The following GRM5 variants were observed in gnomAD, a reference collection of about 807,000 sequenced individuals.
GRM5 encodes the protein glutamate metabotropic receptor 5.
Under a neutral mutation model 83.1 loss-of-function variants are expected in GRM5, and 19 were observed. The observed-to-expected ratio is 0.23, with a 90% CI of 0.16 to 0.34. The LOEUF (loss-of-function observed/expected upper bound fraction) is 0.34, where lower values mean the gene tolerates loss of function less well. Ranked by LOEUF, GRM5 falls within the 10% of genes least tolerant of loss-of-function variation. GRM5 has a pLI of 1.00. For missense variants in GRM5, 1,160 were observed against 1,588.3 expected (o/e 0.73, Z 4.58); for synonymous variants, 675 against 633.6 (o/e 1.07, Z -0.98).
intron 2 of GRM5, among the ~76,000 whole-genome samples, chr11:89,029,950 T>C (rs1014678485): frequency 2.0e-5 from 3 of 152,198 alleles, no homozygotes; most frequent in Admixed American, 2.0e-4. Flanking sequence ...AACATTTTAT[T>C]TTTTACTACT....
intron 3 of GRM5, among the ~76,000 whole-genome samples, chr11:88,671,725 C>T (rs1940198800): frequency 6.6e-6 from 1 of 151,834 alleles, no homozygotes; most frequent in Admixed American, 6.6e-5. Context: ...AGGCAATAAC[C>T]CAGAATATTG....
At chr11:88,687,928 G>A (rs992281897) in intron 3 of GRM5, among the ~76,000 whole-genome samples, 10 of 151,792 alleles carry the variant, frequency 6.6e-5, no homozygotes, top group Admixed American at 3.3e-4. Context: ...TCTTCCTTCC[G>A]CCCTAACACA....
chr11:88,780,625 T>A (rs1256224440), intron 3 of GRM5, among the ~76,000 whole-genome samples: 1 of 152,154 alleles, frequency 6.6e-6, no homozygotes, highest in Non-Finnish European at 1.5e-5. Context: ...AAACAAAATG[T>A]CCATGAAAGT....
At chr11:88,775,407 T>G (rs1444121587) in intron 3 of GRM5, among the ~76,000 whole-genome samples, 1 of 152,180 alleles carries the variant, frequency 6.6e-6, no homozygotes, top group Non-Finnish European at 1.5e-5. Context: ...ATTCATTGAT[T>G]TTTTGAAGGG....
intron 2 of GRM5, chr11:88,925,757 C>T: frequency 2.2e-6 from 1 of 453,428 alleles, no homozygotes; most frequent in Non-Finnish European, 4.4e-6. Context: ...ACTAAAAATA[C>T]AAAAATTACC....
intron 3 of GRM5, among the ~76,000 whole-genome samples, chr11:88,718,029 C>T (rs1356076551): frequency 1.3e-5 from 2 of 151,756 alleles, no homozygotes; most frequent in South Asian, 2.1e-4. Flanking sequence ...TTGACAGGCT[C>T]ATCATAGAAA....
At chr11:88,883,978 G>A (rs1945002238) in intron 2 of GRM5, among the ~76,000 whole-genome samples, 1 of 152,186 alleles carries the variant, frequency 6.6e-6, no homozygotes, top group African/African-American at 2.4e-5. Context: ...GAGAACCTCT[G>A]CTACAGCACT....
chr11:89,047,789 C>A lies in GRM5; in HGVS notation c.84G>T (p.Val28=), dbSNP rs202190410. 2.8e-4 allele frequency: 454 copies of A among 1,613,734 alleles called. 1 individual carries two copies. The highest frequency in any genetic ancestry group is 3.7e-4 in the Non-Finnish European group (435 of 1,179,792). Residue 28 remains valine (V), a synonymous_variant, in exon 2 of 10, where the codon GTG becomes GTT. Coordinates refer to ENST00000305447, the MANE Select transcript of GRM5 (RefSeq NM_001143831.3). The surrounding 1 kb of genome is among the most constrained non-coding windows in gnomAD (Gnocchi z 5.1). ...GSAQSSERRV[V]AHMPGDIIIG... ...TAATGATGTCACCCGGCATGTGAGCCACCACCCTCCTCTCACTGGACTGTG... is the reference window on the plus strand; with the variant it reads ...TAATGATGTCACCCGGCATGTGAGCAACCACCCTCCTCTCACTGGACTGTG...
At chr11:88,662,130 T>A (rs1405974221) in intron 3 of GRM5, among the ~76,000 whole-genome samples, 2 of 152,150 alleles carry the variant, frequency 1.3e-5, no homozygotes, top group African/African-American at 2.4e-5. Flanking sequence ...TGTATGACTT[T>A]TTCTAAAGTT....
intron 2 of GRM5, among the ~76,000 whole-genome samples, chr11:88,853,301 T>A (rs1359501175): frequency 1.3e-5 from 2 of 152,072 alleles, no homozygotes; most frequent in Non-Finnish European, 2.9e-5. Context: ...AATATATTTG[T>A]TATCAACTTT....
chr11:89,001,170 C>G lies in GRM5; in HGVS notation c.661+46042G>C, dbSNP rs549672982. Among the ~76,000 whole-genome samples the G allele has an allele frequency of 8.6e-5, 13 of 151,962 alleles. No homozygotes were observed. The South Asian group carries it at 2.7e-3, about 32-fold the overall frequency. ...GGTTTCTTGGTGGAAAAAAAAATTG[C>G]CAAACTACATTTTCCACTATCATAC... On this transcript the variant is annotated intron_variant, in intron 2 of 9. Transcript: ENST00000305447.
chr11:88,694,568 A>G (rs1004800272), intron 3 of GRM5, among the ~76,000 whole-genome samples: 1 of 150,480 alleles, frequency 6.6e-6, no homozygotes, highest in East Asian at 1.9e-4. Flanking sequence ...TTTTTTTTTA[A>G]CGAGAGCATG....
chr11:88,957,235 C>T lies in GRM5; in HGVS notation c.661+89977G>A, dbSNP rs542618159. ...TGCTTCCGATGAAAAAACACATCCT[C>T]AGAAGAATATATTCAAGAGAATTGT... On this transcript the variant is annotated intron_variant, in intron 2 of 9. Transcript: ENST00000305447. 3.3e-5 allele frequency among the ~76,000 whole-genome samples: 5 copies of T among 152,232 alleles called. No individual in the cohort carries two copies. In the East Asian group the frequency reaches 9.7e-4, roughly 30 times the overall value.
At position 88,793,725 on chromosome 11, in the gene GRM5, G is replaced by A. The variant is rs146477665; in HGVS notation, c.911+56181C>T. Reference sequence around the variant, plus strand: ...ACCTACTGGGAGGGCCAATACGGGAGTCAGGAAGCACTCAAGAAGTTAAGT... The same window carrying A: ...ACCTACTGGGAGGGCCAATACGGGAATCAGGAAGCACTCAAGAAGTTAAGT... On this transcript the variant is annotated intron_variant, in intron 3 of 9. Transcript: ENST00000305447. Among the ~76,000 whole-genome samples the A allele has an allele frequency of 9.0e-4, 137 of 152,258 alleles. 1 individual carries two copies. The highest frequency in any genetic ancestry group is 1.8e-3 in the Non-Finnish European group (122 of 68,012).
At chr11:88,885,454 T>G (rs1399090974) in intron 2 of GRM5, among the ~76,000 whole-genome samples, 150 of 6,374 alleles carry the variant, frequency 0.024, 21 homozygotes, top group African/African-American at 0.027. Context: ...TACCATGTTT[T>G]TTTTTTTTTT....
At chr11:88,764,422 G>A (rs1248279107) in intron 3 of GRM5, among the ~76,000 whole-genome samples, 1 of 151,422 alleles carries the variant, frequency 6.6e-6, no homozygotes, top group Admixed American at 6.6e-5. Flanking sequence ...TGTGCATATG[G>A]GACATTTTCC....
intron 3 of GRM5, among the ~76,000 whole-genome samples, chr11:88,803,528 A>T (rs2135489053): frequency 6.6e-6 from 1 of 152,326 alleles, no homozygotes; most frequent in South Asian, 2.1e-4. Flanking sequence ...CTTATACAAA[A>T]ATTAATTCAA....
rs187603607 is a variant in GRM5 at position 88,883,263 on chromosome 11, G to A, written c.662-33108C>T. Among the ~76,000 whole-genome samples the A allele has an allele frequency of 3.9e-3, 596 of 152,280 alleles. 2 individuals are homozygous for A. The highest frequency in any genetic ancestry group is 0.013 in the African/African-American group (558 of 41,560). On this transcript the variant is annotated intron_variant, in intron 2 of 9. Coordinates refer to ENST00000305447, the MANE Select transcript of GRM5 (RefSeq NM_001143831.3). ...GGACAGAAAGATGTGGGAAAGTTTG[G>A]AACTTCCTAAAGACTTGTTGAATGG...
intron 2 of GRM5, among the ~76,000 whole-genome samples, chr11:89,034,109 C>A (rs1188019680): frequency 6.6e-6 from 1 of 151,476 alleles, no homozygotes; most frequent in East Asian, 1.9e-4. Flanking sequence ...CAGAGAATAT[C>A]TTAATTACTT....
Sources: gnomAD v4.1 joint callset for allele counts (sites outside exome capture counted in the v4.1 genomes callset) on GRCh38, gnomAD v4.1.1 for gene constraint, Gnocchi (gnomAD v3.1) non-coding constraint, MANE v1.5 for transcripts, NCBI Gene and HGNC (gene_info 2026-07-23, HGNC 2026-07-21) for gene names.